The following BCKDHB variants were observed in gnomAD, a reference collection of about 807,000 sequenced individuals.
BCKDHB encodes 2-oxoisovalerate dehydrogenase subunit beta, mitochondrial.
A neutral mutation model predicts 48.5 loss-of-function variants in BCKDHB; 41 were observed. The ratio of observed to expected loss-of-function variants is 0.85; its 90% confidence interval spans 0.66 to 1.10. The LOEUF is 1.10. Ranked by LOEUF, BCKDHB falls within the 50% of genes least tolerant of loss-of-function variation. BCKDHB has a pLI of 0.00. For synonymous variants in BCKDHB, 201 were observed against 174.8 expected, an observed-to-expected ratio of 1.15 and a Z score of -1.18; for missense variants, 496 against 494.2, an observed-to-expected ratio of 1.00 and a Z score of -0.03.
At chr6:80,135,719 G>C (rs1770852564) in intron 3 of BCKDHB, 1 of 152,044 alleles carries the variant, frequency 6.6e-6, no homozygotes, top group Admixed American at 6.6e-5. Context: ...TTACAGTTCA[G>C]TGTTATTAAG....
intron 8 of BCKDHB, among the ~76,000 whole-genome samples, chr6:80,265,129 T>G (rs1038760224): frequency 6.6e-6 from 1 of 152,084 alleles, no homozygotes; most frequent in Non-Finnish European, 1.5e-5. Flanking sequence ...TGGTATAGCC[T>G]CTGTGGAAAT....
the BCKDHB span, among the ~76,000 whole-genome samples, chr6:80,453,785 T>G: frequency 6.6e-6 from 1 of 152,216 alleles, no homozygotes; most frequent in Non-Finnish European, 1.5e-5. Context: ...AGGATTATAG[T>G]GCATTATTTT....
chr6:80,340,070 T>A (rs1184065490), intron 9 of BCKDHB, among the ~76,000 whole-genome samples: 1 of 152,222 alleles, frequency 6.6e-6, no homozygotes, highest in Non-Finnish European at 1.5e-5. Flanking sequence ...ATATAACTCA[T>A]TTAGCCCATG....
At chr6:80,446,526 C>T in the BCKDHB span, among the ~76,000 whole-genome samples, 5,512 of 152,128 alleles carry the variant, frequency 0.036, 349 homozygotes, top group African/African-American at 0.13. Flanking sequence ...GCATGGAGCA[C>T]GAACTCGGTA....
At chr6:80,210,157 A>G (rs1017475163) in intron 8 of BCKDHB, among the ~76,000 whole-genome samples, 1 of 150,588 alleles carries the variant, frequency 6.6e-6, no homozygotes, top group African/African-American at 2.4e-5. Flanking sequence ...AAAAAAAACC[A>G]GAAGCGTTCA....
At chr6:80,317,075 G>A (rs1248770560) in intron 9 of BCKDHB, among the ~76,000 whole-genome samples, 1 of 152,174 alleles carries the variant, frequency 6.6e-6, no homozygotes, top group Non-Finnish European at 1.5e-5. Context: ...TGGTTGAGCT[G>A]TCTGGATCAG....
rs1261782372 is a variant in BCKDHB, at chr6:80,164,595, G to T, written c.344-3083G>T. On this transcript the variant is annotated intron_variant, in intron 3 of 9. Coordinates refer to ENST00000320393, the MANE Select transcript of BCKDHB (RefSeq NM_183050.4). ...CATGAGGAATGTTTTCGTTTTGTTT[G>T]CTGCTGTTAGGAAAGTGTCTGTATA... Among the ~76,000 whole-genome samples, 3 of 152,082 alleles carry T rather than the reference G, an allele frequency of 2.0e-5. No individual in the cohort carries two copies. The East Asian group carries it at 5.8e-4, about 29-fold the overall frequency.
chr6:80,182,761 G>A (rs1303198171), intron 6 of BCKDHB, among the ~76,000 whole-genome samples: 2 of 151,946 alleles, frequency 1.3e-5, no homozygotes, highest in Non-Finnish European at 2.9e-5. Flanking sequence ...AACTTGCTTT[G>A]CAAATTATTT....
the BCKDHB span, among the ~76,000 whole-genome samples, chr6:80,384,176 C>T: frequency 6.6e-6 from 1 of 152,030 alleles, no homozygotes; most frequent in Non-Finnish European, 1.5e-5. Flanking sequence ...CTGGGAAAGG[C>T]AGACTCATCC....
At chr6:80,111,857 C>G (rs1769427649) in intron 1 of BCKDHB, among the ~76,000 whole-genome samples, 1 of 152,110 alleles carries the variant, frequency 6.6e-6, no homozygotes, top group African/African-American at 2.4e-5. Flanking sequence ...ACTTAGTCTA[C>G]CCGGGGGGCT....
At chr6:80,324,775 A>G (rs910904975) in intron 9 of BCKDHB, among the ~76,000 whole-genome samples, 2 of 152,148 alleles carry the variant, frequency 1.3e-5, no homozygotes, top group Non-Finnish European at 2.9e-5. Context: ...GTGACAGAGC[A>G]TCTCAAAGTT....
the BCKDHB span, among the ~76,000 whole-genome samples, chr6:80,425,424 C>A: frequency 6.6e-6 from 1 of 152,130 alleles, no homozygotes; most frequent in Non-Finnish European, 1.5e-5. Flanking sequence ...GTTTTTTCAA[C>A]TGAAGAAATA....
chr6:80,319,044 C>T (rs35629704), intron 9 of BCKDHB, among the ~76,000 whole-genome samples: 11,462 of 152,152 alleles, frequency 0.075, 615 homozygotes, highest in South Asian at 0.24. Flanking sequence ...CCTTAAATTT[C>T]CCTCAGGGAT....
chr6:80,438,646 TA>T, the BCKDHB span, among the ~76,000 whole-genome samples: 15 of 152,256 alleles, frequency 9.9e-5, no homozygotes, highest in Non-Finnish European at 1.9e-4. Context: ...TGAAAAAAAT[TA>T]AAATATACAC....
chr6:80,311,597 T>C (rs528539294), intron 9 of BCKDHB, among the ~76,000 whole-genome samples: 1 of 152,334 alleles, frequency 6.6e-6, no homozygotes, highest in South Asian at 2.1e-4. Flanking sequence ...CTTGAGTTGA[T>C]TTTTGTATAT....
chr6:80,261,072 A>C (rs1305721929), intron 8 of BCKDHB, among the ~76,000 whole-genome samples: 1 of 152,090 alleles, frequency 6.6e-6, no homozygotes, highest in Admixed American at 6.6e-5. Context: ...TTATTACCTT[A>C]GTTATTCCCA....
the BCKDHB span, among the ~76,000 whole-genome samples, chr6:80,418,737 G>A: frequency 1.3e-5 from 2 of 152,186 alleles, no homozygotes; most frequent in South Asian, 2.1e-4. Context: ...GTGCTTCATA[G>A]TGTGGTGACA....
At chr6:80,205,835 TA>T (rs1273788370) in intron 8 of BCKDHB, among the ~76,000 whole-genome samples, 1,423 of 124,960 alleles carry the variant, frequency 0.011, 23 homozygotes, top group African/African-American at 0.039. Context: ...TGTGTGTGTG[TA>T]GGTGGATTGG....
chr6:80,258,134 G>A (rs1270262986), intron 8 of BCKDHB, among the ~76,000 whole-genome samples: 1 of 152,032 alleles, frequency 6.6e-6, no homozygotes, highest in Non-Finnish European at 1.5e-5. Flanking sequence ...TATTATGTCT[G>A]CCATATTAAT....
Sources: gnomAD v4.1 joint callset for allele counts (sites outside exome capture counted in the v4.1 genomes callset) on GRCh38, gnomAD v4.1.1 for gene constraint, MANE v1.5 for transcripts, NCBI Gene and HGNC (gene_info 2026-07-23, HGNC 2026-07-21) for gene names.